Variants in UBR1 observed in about 807,000 individuals in gnomAD.
UBR1 encodes the protein E3 ubiquitin-protein ligase UBR1.
UBR1 carries 102 observed loss-of-function variants against 242.1 expected under a neutral mutation model. That is an observed-to-expected ratio of 0.42 (90% CI 0.36 to 0.50). The LOEUF is 0.50. Ranked by LOEUF, UBR1 falls within the 20% of genes least tolerant of loss-of-function variation. The probability of loss-of-function intolerance (pLI) is 0.01; values close to 1 mark genes in which losing one functional copy is unlikely to be tolerated. For synonymous variants in UBR1, 675 were observed against 684.8 expected, an observed-to-expected ratio of 0.99 and a Z score of 0.22; for missense variants, 1,772 against 2,101.8, an observed-to-expected ratio of 0.84 and a Z score of 3.07.
At chr15:43,059,616 T>C (rs942955741) in intron 8 of UBR1, 86 bp downstream of exon 8, 3 of 1,503,212 alleles carry the variant, frequency 2.0e-6, no homozygotes, top group Non-Finnish European at 2.7e-6. Flanking sequence ...AAAAACTTTA[T>C]TTCATACTCA....
chr15:43,099,101 C>T (rs2034195698), intron 1 of UBR1, among the ~76,000 whole-genome samples: 1 of 152,176 alleles, frequency 6.6e-6, no homozygotes, highest in South Asian at 2.1e-4. Flanking sequence ...CTTTGGGAGG[C>T]TGAGGCGGGT....
At chr15:42,958,200 G>T in intron 43 of UBR1, 110 bp from the exon 44 acceptor site, 1 of 749,862 alleles carries the variant, frequency 1.3e-6, no homozygotes, top group Non-Finnish European at 2.3e-6. Flanking sequence ...ATCTACACTT[G>T]CAATCCAAAG....
chr15:43,003,805 T>G, intron 31 of UBR1, 32 bp downstream of exon 31: 2 of 1,604,592 alleles, frequency 1.2e-6, no homozygotes, highest in Non-Finnish European at 1.7e-6. Context: ...GTTCCTAGTC[T>G]CTTTCAAGAA....
intron 6 of UBR1, among the ~76,000 whole-genome samples, chr15:43,063,351 C>T (rs2033711342): frequency 6.6e-6 from 1 of 152,242 alleles, no homozygotes; most frequent in African/African-American, 2.4e-5. Flanking sequence ...CAAGCTAATT[C>T]TTCTCCTGGG....
At chr15:43,054,406 A>G (rs2033591968) in intron 12 of UBR1, among the ~76,000 whole-genome samples, 1 of 152,138 alleles carries the variant, frequency 6.6e-6, no homozygotes, top group East Asian at 1.9e-4. Context: ...ATGCACAAAG[A>G]GACTATATAG....
intron 19 of UBR1, among the ~76,000 whole-genome samples, chr15:43,035,462 T>A (rs2033320503): frequency 1.3e-5 from 2 of 152,004 alleles, no homozygotes; most frequent in African/African-American, 4.8e-5. Context: ...TTGCCCACTT[T>A]TTGATGGGGT....
At chr15:43,022,337 T>C (rs532030308) in intron 26 of UBR1, among the ~76,000 whole-genome samples, 10 of 152,090 alleles carry the variant, frequency 6.6e-5, no homozygotes, top group African/African-American at 2.4e-4. Flanking sequence ...CAATATCTTA[T>C]TAAGACATGT....
At chr15:42,962,846 C>T (rs1448075875) in intron 42 of UBR1, among the ~76,000 whole-genome samples, 1 of 152,130 alleles carries the variant, frequency 6.6e-6, no homozygotes, top group Non-Finnish European at 1.5e-5. Context: ...CTTCCCCTCC[C>T]ACTGGCTGAA....
intron 12 of UBR1, among the ~76,000 whole-genome samples, chr15:43,049,283 G>C (rs1484944921): frequency 6.6e-6 from 1 of 152,198 alleles, no homozygotes; most frequent in East Asian, 1.9e-4. Context: ...ATGTATAAAA[G>C]AGGTAATGTA....
At chr15:43,023,011 A>G (rs1217076148) in intron 25 of UBR1, among the ~76,000 whole-genome samples, 2 of 151,902 alleles carry the variant, frequency 1.3e-5, no homozygotes, top group African/African-American at 4.8e-5. Flanking sequence ...CTAGAGGTGC[A>G]CACGACCACG....
At chr15:42,969,829 C>T (rs1251210182) in intron 40 of UBR1, among the ~76,000 whole-genome samples, 1 of 152,082 alleles carries the variant, frequency 6.6e-6, no homozygotes, top group Admixed American at 6.5e-5. Flanking sequence ...AACCACTGCT[C>T]AAGGAAATAA....
chr15:43,100,544 T>C (rs1195644400), intron 1 of UBR1, among the ~76,000 whole-genome samples: 1 of 152,158 alleles, frequency 6.6e-6, no homozygotes, highest in African/African-American at 2.4e-5. Flanking sequence ...CATACCAAGA[T>C]ACATCAATGT....
At chr15:43,015,328 G>C (rs1234136216) in intron 29 of UBR1, among the ~76,000 whole-genome samples, 1 of 152,064 alleles carries the variant, frequency 6.6e-6, no homozygotes, top group Non-Finnish European at 1.5e-5. Flanking sequence ...GGATCCTGTT[G>C]ATCTATGACC....
chr15:42,952,917 C>T, intron 44 of UBR1, among the ~76,000 whole-genome samples: 1 of 151,874 alleles, frequency 6.6e-6, no homozygotes, highest in East Asian at 1.9e-4. Context: ...ACATTCCCCC[C>T]ATTTCTTTTC....
At chr15:43,062,682 G>A (rs2033703451) in intron 6 of UBR1, among the ~76,000 whole-genome samples, 2 of 152,158 alleles carry the variant, frequency 1.3e-5, no homozygotes, top group African/African-American at 4.8e-5. Context: ...TGTGATCAAA[G>A]CTCACTACAG....
intron 30 of UBR1, 36 bp from the exon 31 acceptor site, chr15:43,003,966 A>G: frequency 6.3e-7 from 1 of 1,586,572 alleles, no homozygotes; most frequent in Non-Finnish European, 8.7e-7. Context: ...AAAAAGAGAG[A>G]CAGGTTATCA....
chr15:42,996,292 A>G (rs1481756249), intron 33 of UBR1, among the ~76,000 whole-genome samples: 1 of 152,184 alleles, frequency 6.6e-6, no homozygotes, highest in African/African-American at 2.4e-5. Flanking sequence ...GGCAGGGAAC[A>G]TAAAACTTTG....
At chr15:43,043,477 T>C (rs1336986865) in intron 14 of UBR1, 82 bp from the exon 15 acceptor site, 12 of 1,349,646 alleles carry the variant, frequency 8.9e-6, no homozygotes, top group Non-Finnish European at 1.3e-5. Context: ...CAGCCTGTCC[T>C]GTGGCCTAGG....
At chr15:42,979,508 A>G (rs555466670) in intron 37 of UBR1, among the ~76,000 whole-genome samples, 7 of 152,178 alleles carry the variant, frequency 4.6e-5, no homozygotes, top group Non-Finnish European at 8.8e-5. Context: ...TACATGCAGT[A>G]TATGCAAGTT....
Sources: gnomAD v4.1 joint callset for allele counts (sites outside exome capture counted in the v4.1 genomes callset) on GRCh38, gnomAD v4.1.1 for gene constraint, MANE v1.5 for transcripts, NCBI Gene and HGNC (gene_info 2026-07-23, HGNC 2026-07-21) for gene names.